AGBL1: variants seen among roughly 807,000 people sequenced by gnomAD.
AGBL1 encodes cytosolic carboxypeptidase 4.
AGBL1 carries 130 observed loss-of-function variants against 118.9 expected under a neutral mutation model. That is an observed-to-expected ratio of 1.09 (90% CI 0.95 to 1.26). The LOEUF (loss-of-function observed/expected upper bound fraction) is 1.26, where lower values mean the gene tolerates loss of function less well. AGBL1 is among the 50% of genes most tolerant of loss of function. The probability of loss-of-function intolerance (pLI) is 0.00; values close to 1 mark genes in which losing one functional copy is unlikely to be tolerated. For missense variants in AGBL1, 1,584 were observed against 1,298.1 expected (o/e 1.22, Z -3.38); for synonymous variants, 555 against 478.9 (o/e 1.16, Z -2.08).
At position 86,079,890 on chromosome 15, in the gene AGBL1, G is replaced by A; in HGVS notation, c.-83G>A. The A allele has an allele frequency of 9.5e-7, 1 of 1,053,234 alleles. No individual in the cohort carries two copies. The highest frequency in any genetic ancestry group is 1.2e-6 in the Non-Finnish European group (1 of 823,010). The allele number at this position is 1,053,234 out of a possible 1,614,324, so 65.2% of individuals were successfully genotyped here. ...CCGGGCAGTCGTCTCCTGCGAGGCG[G>A]GCAGCGAGGTCAGCTTGGCAGCCGC... On this transcript the variant is annotated 5_prime_UTR_variant, in exon 1 of 23. Transcript: ENST00000614907.
At chr15:86,375,761 TGTGTTCA>T (rs2141951801) in intron 17 of AGBL1, among the ~76,000 whole-genome samples, 1 of 152,324 alleles carries the variant, frequency 6.6e-6, no homozygotes, top group East Asian at 1.9e-4. Context: ...CTGCTGCTTC[TGTGTTCA>T]GTTACTTTAT....
intron 22 of AGBL1, among the ~76,000 whole-genome samples, chr15:86,861,725 T>C (rs1360945623): frequency 6.6e-6 from 1 of 152,216 alleles, no homozygotes; most frequent in Non-Finnish European, 1.5e-5. Flanking sequence ...AAACATTGCC[T>C]CATCAATGTC....
intron 18 of AGBL1, among the ~76,000 whole-genome samples, chr15:86,510,602 A>T (rs2083042434): frequency 6.6e-6 from 1 of 152,088 alleles, no homozygotes; most frequent in Non-Finnish European, 1.5e-5. Context: ...ATTTTTCTTA[A>T]TGTTAATGAT....
chr15:86,716,088 C>A lies in AGBL1; in HGVS notation c.3158+41652C>A, dbSNP rs539995518. On this transcript the variant is annotated intron_variant, in intron 22 of 22. Transcript: ENST00000614907. ...CTCAAAAAAAAAAAAAAAAAGAAAT[C>A]AGTTATTTTCGCTATTGCATTTTAG... Among the ~76,000 whole-genome samples, 10 of 150,408 alleles carry A rather than the reference C, an allele frequency of 6.6e-5. 1 individual carries two copies. The East Asian group carries it at 1.8e-3, about 27-fold the overall frequency.
chr15:86,499,517 C>T (rs1469468310), intron 18 of AGBL1, among the ~76,000 whole-genome samples: 2 of 151,750 alleles, frequency 1.3e-5, no homozygotes, highest in Admixed American at 6.6e-5. Context: ...AAAGGATTAC[C>T]ACAAAGAGGT....
At chr15:86,242,196 A>G (rs2078651365) in intron 6 of AGBL1, among the ~76,000 whole-genome samples, 1 of 152,178 alleles carries the variant, frequency 6.6e-6, no homozygotes, top group South Asian at 2.1e-4. Flanking sequence ...TAAATTACCC[A>G]GTCTCAGGTA....
intron 22 of AGBL1, among the ~76,000 whole-genome samples, chr15:86,758,214 C>G (rs770412351): frequency 6.6e-6 from 1 of 152,078 alleles, no homozygotes; most frequent in Non-Finnish European, 1.5e-5. Flanking sequence ...TTCTTGTGCT[C>G]CATCTCCAAT....
rs550522831 is a variant in AGBL1 at position 86,538,655 on chromosome 15, G to C, written c.2686-7347G>C. Among the ~76,000 whole-genome samples, 14 of 152,306 alleles carry C rather than the reference G, an allele frequency of 9.2e-5. No homozygotes were observed. In the South Asian group the frequency reaches 2.1e-3, roughly 23 times the overall value. ...ATATTCTCAAATATATCTCCTCTAGGCTTCAGCCTTGCCTTCATTTTCCTG... is the reference window on the plus strand; with the variant it reads ...ATATTCTCAAATATATCTCCTCTAGCCTTCAGCCTTGCCTTCATTTTCCTG... On this transcript the variant is annotated intron_variant, in intron 19 of 22. Coordinates refer to ENST00000614907, the MANE Select transcript of AGBL1 (RefSeq NM_001386094.1).
chr15:86,466,064 T>G (rs1375282692), intron 18 of AGBL1, among the ~76,000 whole-genome samples: 1 of 152,222 alleles, frequency 6.6e-6, no homozygotes, highest in Non-Finnish European at 1.5e-5. Context: ...GTATTCTTTC[T>G]CTTTATTTCT....
chr15:86,946,721 C>T (rs564323641), intron 23 of AGBL1, among the ~76,000 whole-genome samples: 18 of 151,814 alleles, frequency 1.2e-4, no homozygotes, highest in East Asian at 5.8e-4. Flanking sequence ...GTGGCACATG[C>T]CTGTAACCTC....
rs764001315 is a variant in AGBL1 at position 86,546,058 on chromosome 15, T to G, written c.2742T>G (p.Cys914Trp). 2.5e-6 allele frequency: 4 copies of G among 1,613,252 alleles called. No homozygotes were observed. In the East Asian group the frequency reaches 8.9e-5, roughly 36 times the overall value. The change falls in exon 20 of 23, where the codon TGT (cysteine) becomes TGG (tryptophan). Residue 914 changes from cysteine (C) to tryptophan (W), a missense_variant. Cys to Trp is a radical substitution (Grantham distance 215). Transcript: ENST00000614907. ...AGAAGAATGTGTTCCTTTATGGCTGTAGCATCAAGGAAACCTTGTGGCAAG... is the reference window on the plus strand; with the variant it reads ...AGAAGAATGTGTTCCTTTATGGCTGGAGCATCAAGGAAACCTTGTGGCAAG... ...SQKKNVFLYGCSIKETLWQAA... is the reference protein window; with the variant it reads ...SQKKNVFLYGWSIKETLWQAA...
intron 18 of AGBL1, among the ~76,000 whole-genome samples, chr15:86,489,626 T>C (rs1262243021): frequency 6.6e-6 from 1 of 152,126 alleles, no homozygotes; most frequent in Admixed American, 6.6e-5. Flanking sequence ...ATCCCCTATT[T>C]TGGTAAATAA....
chr15:86,461,575 T>C (rs920329456), intron 18 of AGBL1, among the ~76,000 whole-genome samples: 1 of 152,208 alleles, frequency 6.6e-6, no homozygotes, highest in African/African-American at 2.4e-5. Flanking sequence ...CACGGCAATA[T>C]ATAAATGCTG....
intron 23 of AGBL1, among the ~76,000 whole-genome samples, chr15:86,966,392 G>A (rs2081053358): frequency 6.7e-6 from 1 of 149,806 alleles, no homozygotes; most frequent in African/African-American, 2.5e-5. Context: ...AGTTACATAT[G>A]TATACATGAG....
At chr15:86,687,084 A>G (rs2086071589) in intron 22 of AGBL1, among the ~76,000 whole-genome samples, 2 of 152,130 alleles carry the variant, frequency 1.3e-5, no homozygotes, top group South Asian at 4.1e-4. Flanking sequence ...CTGCTCTATG[A>G]ATTCCAGATA....
intron 19 of AGBL1, among the ~76,000 whole-genome samples, chr15:86,529,893 C>A (rs1451705472): frequency 4.2e-5 from 6 of 141,766 alleles, no homozygotes; most frequent in Admixed American, 2.1e-4. Context: ...AAATACTTTA[C>A]AGACAAGCAA....
At chr15:86,563,192 A>G (rs567528986) in intron 21 of AGBL1, among the ~76,000 whole-genome samples, 106 of 151,924 alleles carry the variant, frequency 7.0e-4, no homozygotes, top group African/African-American at 2.5e-3. Context: ...CTAGCTTTTG[A>G]ATGTGTTTGC....
chr15:86,478,693 A>T (rs1449460309), intron 18 of AGBL1, among the ~76,000 whole-genome samples: 1 of 152,206 alleles, frequency 6.6e-6, no homozygotes, highest in South Asian at 2.1e-4. Flanking sequence ...ATCCCCATCA[A>T]GCTACCAATG....
At chr15:86,415,243 G>A (rs2081675495) in intron 18 of AGBL1, among the ~76,000 whole-genome samples, 1 of 152,082 alleles carries the variant, frequency 6.6e-6, no homozygotes, top group African/African-American at 2.4e-5. Flanking sequence ...ACAACCCCAG[G>A]GAAAGAAGAT....
Sources: allele counts gnomAD v4.1 joint callset (sites outside exome capture counted in the v4.1 genomes callset), GRCh38; gene constraint gnomAD v4.1.1; transcripts MANE v1.5; gene names NCBI Gene and HGNC (gene_info 2026-07-23, HGNC 2026-07-21).